ATM: variants seen among roughly 807,000 people sequenced by gnomAD.
ATM encodes ATM serine/threonine kinase.
ATM carries 308 observed loss-of-function variants against 387.0 expected under a neutral mutation model. That is an observed-to-expected ratio of 0.80 (90% CI 0.73 to 0.87). The LOEUF (loss-of-function observed/expected upper bound fraction) is 0.87, where lower values mean the gene tolerates loss of function less well. Among genes scored for constraint, ATM ranks in the 40% least tolerant of loss-of-function variants. The pLI, the probability that ATM is intolerant of heterozygous loss-of-function variation, is 0.00. For synonymous variants in ATM, 1,156 were observed against 1,187.3 expected (o/e 0.97, Z 0.54); for missense variants, 3,312 against 3,560.9 (o/e 0.93, Z 1.78).
In ATM at chr11:108,353,920, G is replaced by A. The variant is rs762379890; in HGVS notation, c.8786+40G>A. 1.1e-5 allele frequency: 17 copies of A among 1,552,518 alleles called. No individual in the cohort carries two copies. In the East Asian group the frequency reaches 2.5e-4, roughly 23 times the overall value. On this transcript the variant is annotated intron_variant, in intron 60 of 62. Transcript: ENST00000675843. ...GTAAAGGAGGGAAATAATTTTTGAT[G>A]TCAAAATTACATGGGCTGGGCATGG...
chr11:108,331,785 G>C, intron 51 of ATM, 94 bp from the exon 52 acceptor site: 1 of 1,447,346 alleles, frequency 6.9e-7, no homozygotes, highest in Middle Eastern at 1.7e-4. Context: ...GCAGTATCTA[G>C]ACAGTAATAC....
At chr11:108,346,448 C>T (rs1002781966) in intron 58 of ATM, 1 of 151,314 alleles carries the variant, frequency 6.6e-6, no homozygotes, top group African/African-American at 2.4e-5. Context: ...TAACAAAATC[C>T]TAGAGTATGA....
chr11:108,302,540 G>A (rs1193343000), intron 35 of ATM, among the ~76,000 whole-genome samples: 2 of 152,070 alleles, frequency 1.3e-5, no homozygotes, highest in Non-Finnish European at 2.9e-5. Flanking sequence ...AGTCTCTGTG[G>A]TAGATGTGGT....
chr11:108,344,134 G>A (rs1270132766), intron 57 of ATM, among the ~76,000 whole-genome samples: 1 of 152,132 alleles, frequency 6.6e-6, no homozygotes, highest in East Asian at 1.9e-4. Flanking sequence ...TGCTTTCTGT[G>A]ACATGTTTTT....
At position 108,293,460 on chromosome 11, in the gene ATM, C is replaced by A. The variant is rs786202473; in HGVS notation, c.4759C>A (p.Pro1587Thr). Residue 1587 changes from proline to threonine, a missense_variant, in exon 31 of 63, where the codon CCC (proline) becomes ACC (threonine). Around this residue, in one of 4 missense-constraint regions of ATM, gnomAD observed 1,405 missense variants for 1,604.4 expected, o/e 0.88. Coordinates refer to ENST00000675843, the MANE Select transcript of ATM (RefSeq NM_000051.4). Reference sequence around the variant, plus strand: ...GCAAAAAATCAAATACAGTAGAGGACCCTTTTCACTCTTGGAGGTAATAAA... The same window carrying A: ...GCAAAAAATCAAATACAGTAGAGGAACCTTTTCACTCTTGGAGGTAATAAA... ...TQQKIKYSRG[P>T]FSLLEEINHF... 6.2e-7 allele frequency: 1 copy of A among 1,611,720 alleles called. No homozygotes were observed. The highest frequency in any genetic ancestry group is 1.3e-5 in the African/African-American group (1 of 74,934).
intron 16 of ATM, among the ~76,000 whole-genome samples, chr11:108,263,891 TA>T (rs2135469377): frequency 6.6e-6 from 1 of 150,560 alleles, no homozygotes; most frequent in South Asian, 2.1e-4. Context: ...AAGAAATGGA[TA>T]AATTCCTGGA....
chr11:108,359,541 T>G (rs895717064), intron 61 of ATM, among the ~76,000 whole-genome samples: 9 of 152,114 alleles, frequency 5.9e-5, no homozygotes, highest in African/African-American at 1.2e-4. Flanking sequence ...ACCCCATAGT[T>G]GGAAGTAAAG....
Sources: allele counts gnomAD v4.1 joint callset (sites outside exome capture counted in the v4.1 genomes callset), GRCh38; gene constraint gnomAD v4.1.1; regional missense constraint gnomAD v4.1.1; transcripts MANE v1.5; gene names NCBI Gene and HGNC (gene_info 2026-07-23, HGNC 2026-07-21).